The following VPS13B variants were observed in gnomAD, a reference collection of about 807,000 sequenced individuals.
The protein encoded by VPS13B is vacuolar protein sorting 13 homolog B, also known as intermembrane lipid transfer protein VPS13B.
Under a neutral mutation model 426.4 loss-of-function variants are expected in VPS13B, and 285 were observed. That is an observed-to-expected ratio of 0.67 (90% CI 0.61 to 0.74). The LOEUF (loss-of-function observed/expected upper bound fraction) is 0.74, where lower values mean the gene tolerates loss of function less well. Among genes scored for constraint, VPS13B ranks in the 30% least tolerant of loss-of-function variants. The probability of loss-of-function intolerance (pLI) is 0.00; values close to 1 mark genes in which losing one functional copy is unlikely to be tolerated. For missense variants in VPS13B, 4,537 were observed against 4,782.6 expected (o/e 0.95, Z 1.51); for synonymous variants, 1,676 against 1,676.4 (o/e 1.00, Z 0.01).
chr8:99,077,717 C>G (rs1043090694), intron 3 of VPS13B, among the ~76,000 whole-genome samples: 4 of 152,004 alleles, frequency 2.6e-5, no homozygotes, highest in African/African-American at 7.3e-5. Context: ...AGGACTTTTT[C>G]TGGTAGAATC....
intron 24 of VPS13B, among the ~76,000 whole-genome samples, chr8:99,474,141 A>T (rs1008971379): frequency 3.3e-5 from 5 of 151,456 alleles, no homozygotes; most frequent in African/African-American, 9.7e-5. Context: ...CATTTGGAGA[A>T]GGTGTTTACA....
In VPS13B at chr8:99,236,803, T is replaced by A. The variant is rs556958833; in HGVS notation, c.2516-37395T>A. Reference sequence around the variant, plus strand: ...AAAAAGAGGCATTGCTCACGTGATGTGTATAGTGTTCTAAGATTTCTTACA... The same window carrying A: ...AAAAAGAGGCATTGCTCACGTGATGAGTATAGTGTTCTAAGATTTCTTACA... On this transcript the variant is annotated intron_variant, in intron 17 of 61. Coordinates refer to ENST00000357162, the MANE Select transcript of VPS13B (RefSeq NM_152564.5). Among the ~76,000 whole-genome samples the A allele has an allele frequency of 4.3e-4, 65 of 152,330 alleles. No individual in the cohort carries two copies. In the South Asian group the frequency reaches 0.013, roughly 32 times the overall value.
intron 3 of VPS13B, among the ~76,000 whole-genome samples, chr8:99,063,942 C>T (rs962562045): frequency 6.6e-6 from 1 of 152,128 alleles, no homozygotes; most frequent in Non-Finnish European, 1.5e-5. Flanking sequence ...GCTGGTGATA[C>T]CCAGGTGAAC....
At chr8:99,830,250 A>G (rs57802990) in intron 51 of VPS13B, among the ~76,000 whole-genome samples, 1,706 of 152,312 alleles carry the variant, frequency 0.011, 44 homozygotes, top group African/African-American at 0.039. Flanking sequence ...AGTTTGATCT[A>G]TAAGCCCCTG....
In VPS13B at chr8:99,368,710, C is replaced by A. The variant is rs547140195; in HGVS notation, c.2825-15498C>A. ...AAATAGTGTTTACCTATTTTGTACC[C>A]CAAATCCCCCAATCCATAGTCCATG... On this transcript the variant is annotated intron_variant, in intron 19 of 61. Coordinates refer to ENST00000357162, the MANE Select transcript of VPS13B (RefSeq NM_152564.5). Among the ~76,000 whole-genome samples, 4 of 152,154 alleles carry A rather than the reference C, an allele frequency of 2.6e-5. No homozygotes were observed. The East Asian group carries it at 7.7e-4, about 29-fold the overall frequency.
chr8:99,492,672 G>A (rs1820678227), intron 25 of VPS13B, among the ~76,000 whole-genome samples: 1 of 152,232 alleles, frequency 6.6e-6, no homozygotes, highest in Non-Finnish European at 1.5e-5. Flanking sequence ...GACCCATGGA[G>A]CCAGGCACAG....
At position 99,872,661 on chromosome 8, in the gene VPS13B, T is replaced by G. The variant is rs1255033944; in HGVS notation, c.11745+964T>G. 2.6e-5 allele frequency among the ~76,000 whole-genome samples: 4 copies of G among 152,346 alleles called. No individual in the cohort carries two copies. In the East Asian group the frequency reaches 5.8e-4, roughly 22 times the overall value. The stretch of plus-strand genomic sequence containing the variant: ...ATTTACCTAAATAATAGACATCTTT[T>G]TCCACACAGCAAGATAGTGGTGGAT... On this transcript the variant is annotated intron_variant, in intron 61 of 61. Coordinates refer to ENST00000357162, the MANE Select transcript of VPS13B (RefSeq NM_152564.5).
intron 23 of VPS13B, among the ~76,000 whole-genome samples, chr8:99,456,596 T>A (rs1389924779): frequency 6.6e-6 from 1 of 152,226 alleles, no homozygotes; most frequent in Non-Finnish European, 1.5e-5. Flanking sequence ...CAATTCTATA[T>A]AATTCTTATG....
chr8:99,855,141 T>G (rs1281582855), intron 56 of VPS13B, among the ~76,000 whole-genome samples: 1 of 152,158 alleles, frequency 6.6e-6, no homozygotes, highest in Non-Finnish European at 1.5e-5. Flanking sequence ...TTTGGGAGGC[T>G]GAGGTGGGAG....
chr8:99,344,371 G>T (rs1050922275), intron 19 of VPS13B, among the ~76,000 whole-genome samples: 9 of 152,156 alleles, frequency 5.9e-5, no homozygotes, highest in African/African-American at 9.6e-5. Flanking sequence ...CATAGGGAAA[G>T]CTCCTCAATA....
chr8:99,350,757 A>G (rs1180658896), intron 19 of VPS13B, among the ~76,000 whole-genome samples: 1 of 152,038 alleles, frequency 6.6e-6, no homozygotes, highest in Non-Finnish European at 1.5e-5. Context: ...TAAATGAATC[A>G]GGAGATTGTA....
intron 16 of VPS13B, among the ~76,000 whole-genome samples, chr8:99,190,742 A>G (rs7832595): frequency 0.093 from 14,183 of 152,124 alleles, 898 homozygotes; most frequent in African/African-American, 0.19. Flanking sequence ...CTACTTTTAC[A>G]TATGTCATAA....
At chr8:99,048,862 A>G (rs867586135) in intron 3 of VPS13B, among the ~76,000 whole-genome samples, 1 of 150,748 alleles carries the variant, frequency 6.6e-6, no homozygotes, top group South Asian at 2.1e-4. Context: ...GTGCATATGT[A>G]TTTAGGATTC....
chr8:99,020,848 G>A (rs955587894), intron 2 of VPS13B, among the ~76,000 whole-genome samples: 1 of 152,140 alleles, frequency 6.6e-6, no homozygotes, highest in African/African-American at 2.4e-5. Flanking sequence ...TTGTAGCATC[G>A]TAGTGAGTTT....
At chr8:99,606,043 A>G (rs1303130869) in intron 33 of VPS13B, among the ~76,000 whole-genome samples, 1 of 151,906 alleles carries the variant, frequency 6.6e-6, no homozygotes, top group Non-Finnish European at 1.5e-5. Context: ...CTACAGGCGC[A>G]TGCCACCAAA....
chr8:99,615,158 A>C (rs1828030623), intron 33 of VPS13B, among the ~76,000 whole-genome samples: 1 of 152,004 alleles, frequency 6.6e-6, no homozygotes, highest in Non-Finnish European at 1.5e-5. Context: ...TGCCAAAATA[A>C]GTACCAGGAA....
chr8:99,560,563 G>A (rs1242043020), intron 31 of VPS13B, among the ~76,000 whole-genome samples: 2 of 152,126 alleles, frequency 1.3e-5, no homozygotes, highest in Non-Finnish European at 2.9e-5. Context: ...GTCCTTCACT[G>A]ACAAGTGATT....
At chr8:99,374,471 A>G (rs1488584040) in intron 19 of VPS13B, among the ~76,000 whole-genome samples, 1 of 152,100 alleles carries the variant, frequency 6.6e-6, no homozygotes, top group East Asian at 1.9e-4. Context: ...GAGTTGTTTT[A>G]AAGTCCTTGT....
chr8:99,024,310 GTTGT>G lies in VPS13B; in HGVS notation c.147+10379_147+10382del, dbSNP rs537044860. On this transcript the variant is annotated intron_variant, in intron 2 of 61. Transcript: ENST00000357162. ...TGCATGCGCACATGTGTGCTATTGA[GTTGT>G]TTGAGTTCCTTGTGTATTATGGATA... 2.1e-3 allele frequency among the ~76,000 whole-genome samples: 316 copies of G among 152,368 alleles called. 3 individuals are homozygous for G. Among genetic ancestry groups the G allele is most frequent in the Admixed American group, 9.0e-3 (138 of 15,306 alleles).
Sources: gnomAD v4.1 joint callset for allele counts (sites outside exome capture counted in the v4.1 genomes callset) on GRCh38, gnomAD v4.1.1 for gene constraint, MANE v1.5 for transcripts, NCBI Gene and HGNC (gene_info 2026-07-23, HGNC 2026-07-21) for gene names.